Variants in MDGA2 observed in about 807,000 individuals in gnomAD.
The protein encoded by MDGA2 is MAM domain containing glycosylphosphatidylinositol anchor 2, also known as MAM domain-containing glycosylphosphatidylinositol anchor protein 2.
Under a neutral mutation model 117.8 loss-of-function variants are expected in MDGA2, and 40 were observed. The observed-to-expected ratio is 0.34, with a 90% CI of 0.26 to 0.44. The LOEUF (loss-of-function observed/expected upper bound fraction) is 0.44. Among genes scored for constraint, MDGA2 ranks in the 20% least tolerant of loss-of-function variants. MDGA2 has a pLI of 1.00. For synonymous variants in MDGA2, 452 were observed against 439.0 expected, an observed-to-expected ratio of 1.03 and a Z score of -0.37; for missense variants, 1,123 against 1,250.6, an observed-to-expected ratio of 0.90 and a Z score of 1.54.
chr14:47,219,427 C>G (rs1253079315), intron 2 of MDGA2, among the ~76,000 whole-genome samples: 2 of 151,852 alleles, frequency 1.3e-5, no homozygotes, highest in Non-Finnish European at 2.9e-5. Flanking sequence ...TCCAAATCTT[C>G]TATATATATG....
intron 1 of MDGA2, among the ~76,000 whole-genome samples, chr14:47,622,902 G>A (rs996850502): frequency 1.3e-5 from 2 of 152,170 alleles, no homozygotes; most frequent in East Asian, 3.9e-4. Flanking sequence ...ATGTTGACCA[G>A]GGTGTAGCTG....
At chr14:47,399,315 C>T (rs1892083339) in intron 1 of MDGA2, among the ~76,000 whole-genome samples, 1 of 152,080 alleles carries the variant, frequency 6.6e-6, no homozygotes, top group Non-Finnish European at 1.5e-5. Flanking sequence ...CCCCCAGTTA[C>T]TTGACGATGA....
At chr14:47,471,692 A>AATGTTGGG (rs1450544027) in intron 1 of MDGA2, among the ~76,000 whole-genome samples, 2 of 152,098 alleles carry the variant, frequency 1.3e-5, no homozygotes, top group African/African-American at 4.8e-5. Flanking sequence ...CATTGCCTCA[A>AATGTTGGG]TCCTCTTAGT....
intron 1 of MDGA2, among the ~76,000 whole-genome samples, chr14:47,387,343 T>C (rs1355184764): frequency 2.1e-5 from 3 of 143,684 alleles, no homozygotes; most frequent in Non-Finnish European, 4.6e-5. Flanking sequence ...CCCCTCTATC[T>C]TTTAGAGGGA....
intron 9 of MDGA2, among the ~76,000 whole-genome samples, chr14:46,937,252 A>G (rs1032484118): frequency 6.7e-6 from 1 of 150,226 alleles, no homozygotes; most frequent in Non-Finnish European, 1.5e-5. Context: ...AATTTAACAA[A>G]GGAAGTAAAA....
chr14:47,173,078 G>T (rs1387470117), intron 3 of MDGA2, among the ~76,000 whole-genome samples: 1 of 152,112 alleles, frequency 6.6e-6, no homozygotes, highest in African/African-American at 2.4e-5. Flanking sequence ...ATGAAATGAA[G>T]CGAGAAGGGA....
At chr14:47,036,118 A>C (rs1888839018) in intron 7 of MDGA2, among the ~76,000 whole-genome samples, 2 of 151,626 alleles carry the variant, frequency 1.3e-5, no homozygotes, top group African/African-American at 4.8e-5. Context: ...AAATACAAAA[A>C]AATTAGCCCA....
At chr14:47,507,720 A>G (rs1474121560) in intron 1 of MDGA2, among the ~76,000 whole-genome samples, 1 of 152,230 alleles carries the variant, frequency 6.6e-6, no homozygotes, top group Non-Finnish European at 1.5e-5. Context: ...CCCAGATAAT[A>G]CTTCTATGGA....
intron 3 of MDGA2, among the ~76,000 whole-genome samples, chr14:47,154,085 G>A (rs1883270790): frequency 6.6e-6 from 1 of 152,084 alleles, no homozygotes; most frequent in African/African-American, 2.4e-5. Flanking sequence ...GGGGAGTAGA[G>A]GACAACATGT....
chr14:46,881,897 G>GT (rs1055665822), intron 11 of MDGA2, 147 bp downstream of exon 11: 21 of 455,358 alleles, frequency 4.6e-5, no homozygotes, highest in African/African-American at 1.2e-4. Flanking sequence ...TTTTGTTTTT[G>GT]TTTTTTTGTT....
At chr14:47,048,575 T>C (rs904898449) in intron 7 of MDGA2, among the ~76,000 whole-genome samples, 3 of 152,190 alleles carry the variant, frequency 2.0e-5, no homozygotes, top group African/African-American at 7.2e-5. Flanking sequence ...ATTACACCAC[T>C]GATTGTATAC....
chr14:47,484,886 C>G (rs1894026945), intron 1 of MDGA2, among the ~76,000 whole-genome samples: 1 of 152,108 alleles, frequency 6.6e-6, no homozygotes, highest in Admixed American at 6.6e-5. Context: ...GTGAGGCCTC[C>G]CCAGCCATGT....
At chr14:47,358,215 T>G (rs1891038294) in intron 1 of MDGA2, among the ~76,000 whole-genome samples, 1 of 152,206 alleles carries the variant, frequency 6.6e-6, no homozygotes, top group African/African-American at 2.4e-5. Flanking sequence ...GATCAGCAAC[T>G]GCTCCTGTGC....
intron 1 of MDGA2, among the ~76,000 whole-genome samples, chr14:47,481,654 A>G (rs1452331637): frequency 6.6e-6 from 1 of 152,036 alleles, no homozygotes; most frequent in Non-Finnish European, 1.5e-5. Flanking sequence ...ATTAAGTCAC[A>G]TACGAGAAAT....
intron 4 of MDGA2, among the ~76,000 whole-genome samples, chr14:47,132,905 G>A (rs1882273731): frequency 1.3e-5 from 2 of 151,774 alleles, no homozygotes; most frequent in Admixed American, 1.3e-4. Context: ...TATAGAGGAG[G>A]ACTGGAATAC....
intron 1 of MDGA2, among the ~76,000 whole-genome samples, chr14:47,633,211 A>T (rs1224539924): frequency 6.6e-6 from 1 of 151,984 alleles, no homozygotes; most frequent in South Asian, 2.1e-4. Flanking sequence ...TTATTGTTCA[A>T]ATCTTCCACT....
At chr14:47,457,925 C>A (rs1893393725) in intron 1 of MDGA2, among the ~76,000 whole-genome samples, 1 of 150,230 alleles carries the variant, frequency 6.7e-6, no homozygotes, top group African/African-American at 2.4e-5. Context: ...GTTCATTCTT[C>A]TTCCAAGTGG....
At chr14:47,595,969 C>CA (rs138397459) in intron 1 of MDGA2, among the ~76,000 whole-genome samples, 15,811 of 152,236 alleles carry the variant, frequency 0.1, 922 homozygotes, top group Middle Eastern at 0.18. Flanking sequence ...TATTTAATTA[C>CA]ATTTTTATAA....
At chr14:46,960,127 A>G (rs1264242054) in intron 8 of MDGA2, among the ~76,000 whole-genome samples, 1 of 152,078 alleles carries the variant, frequency 6.6e-6, no homozygotes, top group African/African-American at 2.4e-5. Context: ...AGGCTGAGGC[A>G]GGGGAATCGC....
Sources: gnomAD v4.1 joint callset for allele counts (sites outside exome capture counted in the v4.1 genomes callset) on GRCh38, gnomAD v4.1.1 for gene constraint, MANE v1.5 for transcripts, NCBI Gene and HGNC (gene_info 2026-07-23, HGNC 2026-07-21) for gene names.